The following GOLGA8B variants were observed in gnomAD, a reference collection of about 807,000 sequenced individuals.
GOLGA8B encodes the protein golgin A8 family member B.
Under a neutral mutation model 15.6 loss-of-function variants are expected in GOLGA8B, and 1 was observed. The observed-to-expected ratio is 0.06, with a 90% CI of 0.02 to 0.30. GOLGA8B has a LOEUF of 0.30. Ranked by LOEUF, GOLGA8B falls within the 10% of genes least tolerant of loss-of-function variation. The probability of loss-of-function intolerance (pLI) is 1.00; values close to 1 mark genes in which losing one functional copy is unlikely to be tolerated. For missense variants in GOLGA8B, 17 were observed against 201.3 expected, an observed-to-expected ratio of 0.08 and a Z score of 5.54; for synonymous variants, 9 against 80.3, an observed-to-expected ratio of 0.11 and a Z score of 4.75.
At chr15:34,566,569 G>A (rs1191613229) in intron 1 of GOLGA8B, 1 of 142,764 alleles carries the variant, frequency 7.0e-6, no homozygotes, top group African/African-American at 2.5e-5. Context: ...ACTACTGGAG[G>A]ACAAGGCAGC....
intron 1 of GOLGA8B, among the ~76,000 whole-genome samples, chr15:34,567,218 TC>T (rs1257263731): frequency 6.9e-6 from 1 of 144,156 alleles, no homozygotes; most frequent in African/African-American, 2.7e-5. Flanking sequence ...CCTGATTCCT[TC>T]CACATCCTGG....
chr15:34,571,724 T>C (rs1888919693), intron 1 of GOLGA8B, among the ~76,000 whole-genome samples: 1 of 151,940 alleles, frequency 6.6e-6, no homozygotes. Context: ...ATTAGCAGAA[T>C]ATGCAGGAGG....
At chr15:34,583,354 G>T (rs1889301382) in intron 1 of GOLGA8B, among the ~76,000 whole-genome samples, 162 bp downstream of exon 1, 1 of 151,964 alleles carries the variant, frequency 6.6e-6, no homozygotes, top group African/African-American at 2.4e-5. Context: ...AGATCCCAGC[G>T]GCGGCCTCCC....
chr15:34,578,017 T>C (rs1217187508), intron 1 of GOLGA8B, among the ~76,000 whole-genome samples: 1 of 152,210 alleles, frequency 6.6e-6, no homozygotes, highest in African/African-American at 2.4e-5. Flanking sequence ...TCATATACGC[T>C]ATCACTCACA....
intron 1 of GOLGA8B, among the ~76,000 whole-genome samples, chr15:34,575,727 C>T (rs1305830923): frequency 6.6e-6 from 1 of 152,212 alleles, no homozygotes; most frequent in African/African-American, 2.4e-5. Context: ...TCCACCCCAA[C>T]CTACCGTGGG....
At chr15:34,572,666 G>T (rs1888953912) in intron 1 of GOLGA8B, among the ~76,000 whole-genome samples, 1 of 152,188 alleles carries the variant, frequency 6.6e-6, no homozygotes, top group African/African-American at 2.4e-5. Context: ...TTATCTTTGT[G>T]GGCACTGAAT....
intron 1 of GOLGA8B, among the ~76,000 whole-genome samples, chr15:34,572,092 A>C (rs1888929742): frequency 6.6e-6 from 1 of 152,230 alleles, no homozygotes; most frequent in Non-Finnish European, 1.5e-5. Flanking sequence ...TACAAACACA[A>C]AATGAAATAA....
rs1296540167 is a variant in GOLGA8B at position 34,564,488 on chromosome 15, C to T, written c.-1122-10532G>A. 1.3e-4 allele frequency among the ~76,000 whole-genome samples: 19 copies of T among 145,778 alleles called. No homozygotes were observed. In the East Asian group the frequency reaches 2.2e-3, roughly 17 times the overall value. Reference sequence around the variant, plus strand: ...GAGTTTTGGAGGGAACACATTCAAACGGTAGCAAATTTAGTAGAGCAAATT... The same window carrying T: ...GAGTTTTGGAGGGAACACATTCAAATGGTAGCAAATTTAGTAGAGCAAATT... On this transcript the variant is annotated intron_variant, in intron 1 of 23. Transcript: ENST00000683415.
intron 1 of GOLGA8B, among the ~76,000 whole-genome samples, chr15:34,577,879 G>T (rs1889124906): frequency 1.3e-5 from 2 of 152,138 alleles, no homozygotes; most frequent in South Asian, 4.1e-4. Context: ...CACTAGTGCA[G>T]ACTTTATAAA....
At chr15:34,542,568 AG>A (rs1211844105) in intron 7 of GOLGA8B, among the ~76,000 whole-genome samples, 2 of 152,006 alleles carry the variant, frequency 1.3e-5, no homozygotes, top group African/African-American at 4.8e-5. Flanking sequence ...TGGTTTTATC[AG>A]TTTTTCCTCT....
In GOLGA8B at chr15:34,527,387, A is replaced by C; in HGVS notation, c.*245T>G. The C allele has an allele frequency of 2.0e-6, 1 of 493,000 alleles. No homozygotes were observed. Among genetic ancestry groups the C allele is most frequent in the Non-Finnish European group, 3.5e-6 (1 of 288,242 alleles). 30.5% of individuals were successfully genotyped at this position (493,000 alleles called of 1,614,324 possible). ...GGCAAACTCGATATGCATGCTAATG[A>C]CCTACAATTATGAAATGAAAAAAGA... On this transcript the variant is annotated 3_prime_UTR_variant, in exon 24 of 24. Transcript: ENST00000683415.
chr15:34,565,228 CA>C (rs1566934309), intron 1 of GOLGA8B, among the ~76,000 whole-genome samples: 1 of 139,788 alleles, frequency 7.2e-6, no homozygotes, highest in Non-Finnish European at 1.6e-5. Flanking sequence ...CTCCGCCTCC[CA>C]GGTTCAAGCA....
chr15:34,556,967 T>C, intron 1 of GOLGA8B: 2 of 593,240 alleles, frequency 3.4e-6, no homozygotes, highest in Admixed American at 3.0e-5. Context: ...TTGGTCCAGT[T>C]GGGAGACATG....
At position 34,578,522 on chromosome 15, in the gene GOLGA8B, C is replaced by T. The variant is rs1889142762; in HGVS notation, c.-1123+4994G>A. ...GGCCTCACACTCTCTCCAGCTCAGG[C>T]TCAAAGGCCAGCACTGCCCCGTCAC... On this transcript the variant is annotated intron_variant, in intron 1 of 23. Transcript: ENST00000683415. Among the ~76,000 whole-genome samples, 3 of 152,220 alleles carry T rather than the reference C, an allele frequency of 2.0e-5. No individual in the cohort carries two copies. In the South Asian group the frequency reaches 6.2e-4, roughly 32 times the overall value.
At chr15:34,582,427 T>C (rs1047983646) in intron 1 of GOLGA8B, among the ~76,000 whole-genome samples, 2 of 151,970 alleles carry the variant, frequency 1.3e-5, no homozygotes, top group African/African-American at 2.4e-5. Context: ...GCACAGGAGG[T>C]TGAAGAGGCC....
intron 7 of GOLGA8B, among the ~76,000 whole-genome samples, chr15:34,543,398 G>C (rs1369267594): frequency 6.9e-6 from 1 of 143,932 alleles, no homozygotes; most frequent in East Asian, 2.1e-4. Context: ...GGAGAAACGA[G>C]TTCTCACCAT....
intron 1 of GOLGA8B, among the ~76,000 whole-genome samples, chr15:34,573,536 C>CA (rs60984933): frequency 0.16 from 13,863 of 86,376 alleles, 1,889 homozygotes; most frequent in Non-Finnish European, 0.18. Flanking sequence ...GACTCCGTCT[C>CA]AAAAAAAAAA....
At chr15:34,572,514 C>T (rs1888947441) in intron 1 of GOLGA8B, among the ~76,000 whole-genome samples, 1 of 152,132 alleles carries the variant, frequency 6.6e-6, no homozygotes, top group African/African-American at 2.4e-5. Flanking sequence ...GTGAGCGGAT[C>T]GAAGTGCAAA....
intron 1 of GOLGA8B, among the ~76,000 whole-genome samples, chr15:34,577,474 C>T (rs1889112608): frequency 6.8e-6 from 1 of 146,754 alleles, no homozygotes; most frequent in Non-Finnish European, 1.5e-5. Context: ...TCCAGGAATG[C>T]CAAACCAACC....
Sources: gnomAD v4.1 joint callset for allele counts (sites outside exome capture counted in the v4.1 genomes callset) on GRCh38, gnomAD v4.1.1 for gene constraint, MANE v1.5 for transcripts, NCBI Gene and HGNC (gene_info 2026-07-23, HGNC 2026-07-21) for gene names.